ARHGAP15: variants seen among roughly 807,000 people sequenced by gnomAD.
ARHGAP15 encodes the protein rho GTPase-activating protein 15.
Under a neutral mutation model 63.7 loss-of-function variants are expected in ARHGAP15, and 51 were observed. The ratio of observed to expected loss-of-function variants is 0.80; its 90% CI spans 0.64 to 1.01. The LOEUF is 1.01. Ranked by LOEUF, ARHGAP15 falls within the 50% of genes least tolerant of loss-of-function variation. The pLI, the probability that ARHGAP15 is intolerant of heterozygous loss-of-function variation, is 0.00. For synonymous variants in ARHGAP15, 191 were observed against 193.8 expected (o/e 0.99, Z 0.12); for missense variants, 560 against 564.6 (o/e 0.99, Z 0.08).
chr2:143,173,209 T>A (rs1690869531), intron 2 of ARHGAP15, among the ~76,000 whole-genome samples: 1 of 152,102 alleles, frequency 6.6e-6, no homozygotes, highest in Admixed American at 6.6e-5. Flanking sequence ...AAAAATATTT[T>A]AAAAAACCCG....
intron 10 of ARHGAP15, among the ~76,000 whole-genome samples, chr2:143,539,967 G>T (rs1351423519): frequency 6.6e-6 from 1 of 152,092 alleles, no homozygotes; most frequent in Non-Finnish European, 1.5e-5. Flanking sequence ...TCTGTCTAAT[G>T]TTGACAGTGG....
intron 12 of ARHGAP15, among the ~76,000 whole-genome samples, chr2:143,657,040 C>T (rs1171756546): frequency 6.6e-6 from 1 of 151,000 alleles, no homozygotes; most frequent in Non-Finnish European, 1.5e-5. Context: ...TATTGTTGAT[C>T]AAATACTTTA....
chr2:143,264,311 T>G (rs937967365), intron 6 of ARHGAP15, among the ~76,000 whole-genome samples: 3 of 152,138 alleles, frequency 2.0e-5, no homozygotes, highest in African/African-American at 7.2e-5. Context: ...GGCCAGAAGC[T>G]ACTTTTCAAA....
At chr2:143,217,644 A>C (rs1692809624) in intron 4 of ARHGAP15, among the ~76,000 whole-genome samples, 1 of 152,126 alleles carries the variant, frequency 6.6e-6, no homozygotes, top group South Asian at 2.1e-4. Context: ...AACAGGAGGA[A>C]GTCTTTGAGT....
chr2:143,336,960 G>C (rs150256734), intron 6 of ARHGAP15, among the ~76,000 whole-genome samples: 1 of 152,260 alleles, frequency 6.6e-6, no homozygotes, highest in East Asian at 1.9e-4. Flanking sequence ...TTTACAGGCT[G>C]TAAGGAAGAG....
At chr2:143,526,186 CT>C (rs1694272691) in intron 10 of ARHGAP15, among the ~76,000 whole-genome samples, 1 of 151,484 alleles carries the variant, frequency 6.6e-6, no homozygotes, top group South Asian at 2.1e-4. Flanking sequence ...GCATGACAGT[CT>C]TATTATCAAA....
rs183614279 is a variant in ARHGAP15 at position 143,737,770 on chromosome 2, T to A, written c.1245-30219T>A. On this transcript the variant is annotated intron_variant, in intron 13 of 13. Coordinates refer to ENST00000295095, the MANE Select transcript of ARHGAP15 (RefSeq NM_018460.4). ...TATTTATTTATTTATTTATTTATTTTTTGAGATGGAGTTTTCACTCTTGTT... is the reference window on the plus strand; with the variant it reads ...TATTTATTTATTTATTTATTTATTTATTGAGATGGAGTTTTCACTCTTGTT... 1.5e-3 allele frequency among the ~76,000 whole-genome samples: 212 copies of A among 142,838 alleles called. 1 individual carries two copies. The highest frequency in any genetic ancestry group is 5.1e-3 in the African/African-American group (193 of 38,182). 93.7% of individuals were successfully genotyped at this position (142,838 alleles called of 152,430 possible). A position where few individuals can be genotyped will look rare whatever the true frequency, so the allele number is the denominator to read the frequency against.
chr2:143,471,230 A>ATATGTGTATATATACACACACATGTGTG (rs1558994153), intron 8 of ARHGAP15, among the ~76,000 whole-genome samples: 1 of 147,446 alleles, frequency 6.8e-6, no homozygotes, highest in Non-Finnish European at 1.5e-5. Flanking sequence ...ACACATGTGT[A>ATATGTGTATATATACACACACATGTGTG]TGTGTATATG....
intron 6 of ARHGAP15, among the ~76,000 whole-genome samples, chr2:143,253,439 A>G (rs1680261767): frequency 6.6e-6 from 1 of 152,084 alleles, no homozygotes; most frequent in Admixed American, 6.6e-5. Flanking sequence ...ACTGAAATCC[A>G]AATTTTCCTT....
chr2:143,171,873 G>A (rs1016698026), intron 2 of ARHGAP15: 2 of 151,896 alleles, frequency 1.3e-5, no homozygotes, highest in African/African-American at 4.8e-5. Context: ...TTAAATGTTT[G>A]TATAACAATA....
chr2:143,512,608 T>A (rs538643089), intron 9 of ARHGAP15, among the ~76,000 whole-genome samples: 1 of 152,348 alleles, frequency 6.6e-6, no homozygotes, highest in Admixed American at 6.5e-5. Flanking sequence ...TCTTGAAACG[T>A]TTGTCCAATG....
At chr2:143,651,497 A>G (rs1399570896) in intron 12 of ARHGAP15, among the ~76,000 whole-genome samples, 3 of 151,990 alleles carry the variant, frequency 2.0e-5, no homozygotes, top group Admixed American at 2.0e-4. Context: ...TGGAGTGGTC[A>G]GTTTGGGCTT....
intron 6 of ARHGAP15, among the ~76,000 whole-genome samples, chr2:143,375,874 C>T (rs1330880534): frequency 6.6e-6 from 1 of 152,128 alleles, no homozygotes; most frequent in Non-Finnish European, 1.5e-5. Flanking sequence ...TTACTTTTTT[C>T]GGTGATGGTT....
intron 12 of ARHGAP15, among the ~76,000 whole-genome samples, chr2:143,673,150 C>A (rs775725982): frequency 1.1e-4 from 16 of 152,074 alleles, no homozygotes; most frequent in Non-Finnish European, 1.9e-4. Flanking sequence ...AAAAAGAAAA[C>A]CTTGATTCTT....
chr2:143,547,838 G>A (rs1274138004), intron 10 of ARHGAP15, among the ~76,000 whole-genome samples: 1 of 152,004 alleles, frequency 6.6e-6, no homozygotes, highest in Non-Finnish European at 1.5e-5. Flanking sequence ...CCAATCCTGT[G>A]TCTCTATACA....
chr2:143,534,437 T>C (rs966629910), intron 10 of ARHGAP15, among the ~76,000 whole-genome samples: 1 of 152,158 alleles, frequency 6.6e-6, no homozygotes, highest in African/African-American at 2.4e-5. Context: ...CCACATACAG[T>C]AAAACTGCAG....
intron 8 of ARHGAP15, among the ~76,000 whole-genome samples, chr2:143,451,528 T>C (rs1008529329): frequency 2.0e-5 from 3 of 151,958 alleles, no homozygotes; most frequent in African/African-American, 4.8e-5. Context: ...ACAGAATTTC[T>C]GTATTTTTTT....
intron 11 of ARHGAP15, chr2:143,606,906 CA>C (rs1698059957): frequency 6.6e-6 from 1 of 152,068 alleles, no homozygotes; most frequent in Admixed American, 6.6e-5. Flanking sequence ...GAAAGTTAAA[CA>C]ATATTTGGAA....
chr2:143,180,881 G>A (rs1012556415), intron 2 of ARHGAP15, among the ~76,000 whole-genome samples: 5 of 152,114 alleles, frequency 3.3e-5, no homozygotes, highest in Admixed American at 3.3e-4. Flanking sequence ...CACCGTGTTA[G>A]CCAGAATGGT....
Sources: gnomAD v4.1 joint callset for allele counts (sites outside exome capture counted in the v4.1 genomes callset) on GRCh38, gnomAD v4.1.1 for gene constraint, MANE v1.5 for transcripts, NCBI Gene and HGNC (gene_info 2026-07-23, HGNC 2026-07-21) for gene names.